Variants in NEDD4L observed in about 807,000 individuals in gnomAD.
NEDD4L encodes NEDD4 like E3 ubiquitin protein ligase, also known as E3 ubiquitin-protein ligase NEDD4-like.
A neutral mutation model predicts 148.9 loss-of-function variants in NEDD4L; 54 were observed. That is an observed-to-expected ratio of 0.36 (90% CI 0.29 to 0.45). The LOEUF (loss-of-function observed/expected upper bound fraction) is 0.45, where lower values mean the gene tolerates loss of function less well. NEDD4L is among the 20% of genes least tolerant of loss of function. The pLI, the probability that NEDD4L is intolerant of heterozygous loss-of-function variation, is 1.00. For synonymous variants in NEDD4L, 433 were observed against 440.7 expected (o/e 0.98, Z 0.22); for missense variants, 856 against 1,233.8 (o/e 0.69, Z 4.59).
intron 16 of NEDD4L, among the ~76,000 whole-genome samples, chr18:58,347,316 G>C (rs1278136938): frequency 1.3e-5 from 2 of 148,624 alleles, no homozygotes; most frequent in Non-Finnish European, 3.0e-5. Context: ...CTTGTGTGTA[G>C]CATTCAGAAG....
At chr18:58,081,555 T>C (rs571027826) in intron 1 of NEDD4L, among the ~76,000 whole-genome samples, 10 of 152,084 alleles carry the variant, frequency 6.6e-5, no homozygotes, top group Non-Finnish European at 1.2e-4. Context: ...TTTATTGTTA[T>C]TTGCACAAAA....
intron 1 of NEDD4L, among the ~76,000 whole-genome samples, chr18:58,067,465 G>T (rs2082657153): frequency 6.6e-6 from 1 of 152,156 alleles, no homozygotes; most frequent in Non-Finnish European, 1.5e-5. Flanking sequence ...GACATTTTCT[G>T]CTTAAAGCAA....
intron 5 of NEDD4L, among the ~76,000 whole-genome samples, chr18:58,297,594 T>G (rs62096387): frequency 0.17 from 26,329 of 152,044 alleles, 2,505 homozygotes; most frequent in Non-Finnish European, 0.19. Flanking sequence ...TAGGAGACTT[T>G]GTAGGCTGAA....
At chr18:58,174,511 T>C (rs370100526) in intron 2 of NEDD4L, among the ~76,000 whole-genome samples, 4 of 152,214 alleles carry the variant, frequency 2.6e-5, no homozygotes, top group African/African-American at 9.6e-5. Context: ...GTCCCTCCCC[T>C]TCAATGACTT....
intron 2 of NEDD4L, among the ~76,000 whole-genome samples, chr18:58,191,348 A>G (rs2040093599): frequency 6.6e-6 from 1 of 152,166 alleles, no homozygotes; most frequent in Non-Finnish European, 1.5e-5. Context: ...TTAGAAGCCT[A>G]ATCTCTGTAA....
chr18:58,245,987 C>T (rs1251968640), intron 3 of NEDD4L, among the ~76,000 whole-genome samples: 9 of 151,464 alleles, frequency 5.9e-5, no homozygotes, highest in Non-Finnish European at 8.8e-5. Flanking sequence ...TGTGAGCCAC[C>T]GTGCCCAGCC....
chr18:58,396,320 T>A lies in NEDD4L; in HGVS notation c.*51T>A, dbSNP rs1398793847. 2.3e-6 allele frequency: 3 copies of A among 1,276,940 alleles called. No homozygotes were observed. The East Asian group carries it at 7.1e-5, about 30-fold the overall frequency. The allele number at this position is 1,276,940 out of a possible 1,614,324, so 79.1% of individuals were successfully genotyped here. A position where few individuals can be genotyped will look rare whatever the true frequency, so the allele number is the denominator to read the frequency against. On this transcript the variant is annotated 3_prime_UTR_variant, in exon 31 of 31. Coordinates refer to ENST00000400345, the MANE Select transcript of NEDD4L (RefSeq NM_001144967.3). ...TTCTTCAAGCAAGTTCTGCTTGCAC[T>A]TTTGCATTTGCCTAACAGACTTTTG...
intron 1 of NEDD4L, among the ~76,000 whole-genome samples, chr18:58,076,069 T>A (rs561403864): frequency 1.3e-5 from 2 of 152,212 alleles, no homozygotes; most frequent in South Asian, 4.1e-4. Flanking sequence ...TTGATAAATA[T>A]AGTGAACTAG....
chr18:58,400,760 A>T lies in NEDD4L; in HGVS notation c.*4491A>T, dbSNP rs1332005993. 1 of 151,818 alleles carries T rather than the reference A, an allele frequency of 6.6e-6. No homozygotes were observed. The highest frequency in any genetic ancestry group is 2.4e-5 in the African/African-American group (1 of 41,304). 9.4% of individuals were successfully genotyped at this position (151,818 alleles called of 1,614,324 possible). The stretch of plus-strand genomic sequence containing the variant: ...ATCAGAAGCCTTCCTCGTGACCATA[A>T]CTCTGTGTCTGCAGATATGTGTTCC... On this transcript the variant is annotated 3_prime_UTR_variant, in exon 31 of 31. Coordinates refer to ENST00000400345, the MANE Select transcript of NEDD4L (RefSeq NM_001144967.3).
intron 2 of NEDD4L, among the ~76,000 whole-genome samples, chr18:58,172,674 T>C (rs1204412592): frequency 6.6e-6 from 1 of 152,192 alleles, no homozygotes; most frequent in Admixed American, 6.5e-5. Flanking sequence ...ACAGGTTGGC[T>C]GGCAATGTGT....
chr18:58,190,695 C>T (rs1292815083), intron 2 of NEDD4L, among the ~76,000 whole-genome samples: 1 of 152,146 alleles, frequency 6.6e-6, no homozygotes, highest in Non-Finnish European at 1.5e-5. Flanking sequence ...ATTGCATTTA[C>T]TACTGGAAGG....
intron 1 of NEDD4L, among the ~76,000 whole-genome samples, chr18:58,131,184 G>C (rs1000326719): frequency 6.6e-6 from 1 of 150,748 alleles, no homozygotes; most frequent in African/African-American, 2.5e-5. Context: ...GCCTTTGTTG[G>C]GATTTGGTTG....
At chr18:58,268,708 A>T (rs142050567) in intron 5 of NEDD4L, among the ~76,000 whole-genome samples, 1 of 152,176 alleles carries the variant, frequency 6.6e-6, no homozygotes, top group East Asian at 1.9e-4. Flanking sequence ...TAGAACGTGG[A>T]TTTAAATAAA....
Position 58,323,783 on chromosome 18 carries a change from A to G in NEDD4L, c.513+449A>G, listed in dbSNP as rs138930209. On this transcript the variant is annotated intron_variant, in intron 8 of 30. Coordinates refer to ENST00000400345, the MANE Select transcript of NEDD4L (RefSeq NM_001144967.3). Reference sequence around the variant, plus strand: ...CTGCAGTAGAAAAACCCTCCTCTAGAAATGCCATTCTGCAACGAGCTGACC... The same window carrying G: ...CTGCAGTAGAAAAACCCTCCTCTAGGAATGCCATTCTGCAACGAGCTGACC... Among the ~76,000 whole-genome samples, 11 of 152,224 alleles carry G rather than the reference A, an allele frequency of 7.2e-5. No individual in the cohort carries two copies. In the East Asian group the frequency reaches 2.1e-3, roughly 29 times the overall value.
chr18:58,129,727 C>T (rs1415525737), intron 1 of NEDD4L, among the ~76,000 whole-genome samples: 4 of 152,166 alleles, frequency 2.6e-5, no homozygotes, highest in Non-Finnish European at 4.4e-5. Context: ...TGGTTGGTTG[C>T]GATCCAGCAG....
intron 5 of NEDD4L, among the ~76,000 whole-genome samples, chr18:58,283,983 C>T (rs2053551479): frequency 6.6e-6 from 1 of 152,182 alleles, no homozygotes; most frequent in African/African-American, 2.4e-5. Flanking sequence ...TCAGGTGATG[C>T]TTCTACAAGG....
At chr18:58,172,528 A>G (rs1025409699) in intron 2 of NEDD4L, among the ~76,000 whole-genome samples, 1 of 152,224 alleles carries the variant, frequency 6.6e-6, no homozygotes, top group African/African-American at 2.4e-5. Flanking sequence ...GCAAAGTCCT[A>G]TGTAGCAGGC....
intron 19 of NEDD4L, among the ~76,000 whole-genome samples, chr18:58,360,456 CTCTT>C (rs961423853): frequency 1.3e-5 from 2 of 152,036 alleles, no homozygotes; most frequent in African/African-American, 4.8e-5. Context: ...TTTTTGTAAT[CTCTT>C]TATCAGTTCA....
intron 5 of NEDD4L, among the ~76,000 whole-genome samples, chr18:58,270,759 A>G (rs1391793858): frequency 6.6e-6 from 1 of 152,044 alleles, no homozygotes; most frequent in Non-Finnish European, 1.5e-5. Context: ...TTGTGGCTCC[A>G]AGGATAGAGG....
Sources: allele counts gnomAD v4.1 joint callset (sites outside exome capture counted in the v4.1 genomes callset), GRCh38; gene constraint gnomAD v4.1.1; transcripts MANE v1.5; gene names NCBI Gene and HGNC (gene_info 2026-07-23, HGNC 2026-07-21).